Variants in EXT1 observed in about 807,000 individuals in gnomAD.
EXT1 encodes exostosin-1.
A neutral mutation model predicts 82.5 loss-of-function variants in EXT1; 20 were observed. The ratio of observed to expected loss-of-function variants is 0.24; its 90% CI spans 0.17 to 0.35. EXT1 has a LOEUF of 0.35. EXT1 is among the 10% of genes least tolerant of loss of function. EXT1 has a pLI of 1.00. For missense variants in EXT1, 757 were observed against 936.5 expected (o/e 0.81, Z 2.50); for synonymous variants, 348 against 350.8 (o/e 0.99, Z 0.09).
At chr8:117,820,413 G>C (rs1418339428) in intron 5 of EXT1, among the ~76,000 whole-genome samples, 1 of 152,144 alleles carries the variant, frequency 6.6e-6, no homozygotes, top group Admixed American at 6.5e-5. Flanking sequence ...GTTTGTCTGG[G>C]CACGGTGGCT....
At chr8:117,951,605 T>G (rs778117775) in intron 1 of EXT1, among the ~76,000 whole-genome samples, 8 of 152,204 alleles carry the variant, frequency 5.3e-5, no homozygotes, top group Admixed American at 6.5e-5. Flanking sequence ...ATGACTGTGA[T>G]AGAGACATAG....
chr8:118,033,088 G>A (rs1350352966), intron 1 of EXT1, among the ~76,000 whole-genome samples: 2 of 152,108 alleles, frequency 1.3e-5, no homozygotes, highest in East Asian at 1.9e-4. Context: ...ATTGCAATGC[G>A]CTAAATATGT....
intron 1 of EXT1, among the ~76,000 whole-genome samples, chr8:117,933,612 A>G (rs1334561196): frequency 6.6e-6 from 1 of 152,190 alleles, no homozygotes; most frequent in Non-Finnish European, 1.5e-5. Context: ...ACTGTCTACT[A>G]GAATATAAGC....
At chr8:117,847,364 C>T (rs1175463775) in intron 1 of EXT1, among the ~76,000 whole-genome samples, 2 of 152,166 alleles carry the variant, frequency 1.3e-5, no homozygotes, top group Admixed American at 1.3e-4. Context: ...ATTTAGTCTT[C>T]CTTTTGTACA....
chr8:117,890,793 T>C (rs1230071269), intron 1 of EXT1, among the ~76,000 whole-genome samples: 1 of 152,206 alleles, frequency 6.6e-6, no homozygotes, highest in Admixed American at 6.5e-5. Context: ...TCTTGTAAGA[T>C]CTAAAGATTC....
At chr8:117,902,167 C>T (rs550973679) in intron 1 of EXT1, among the ~76,000 whole-genome samples, 11 of 151,992 alleles carry the variant, frequency 7.2e-5, no homozygotes, top group African/African-American at 2.2e-4. Context: ...GACAATAACA[C>T]GCATGGAGCT....
intron 1 of EXT1, among the ~76,000 whole-genome samples, chr8:118,067,976 A>C (rs7838643): frequency 0.12 from 18,414 of 152,266 alleles, 2,363 homozygotes; most frequent in African/African-American, 0.32. Context: ...GAGCATTTGC[A>C]ATATTAGTAA....
intron 1 of EXT1, among the ~76,000 whole-genome samples, chr8:117,907,283 T>TA (rs1813561262): frequency 6.6e-6 from 1 of 152,220 alleles, no homozygotes; most frequent in Non-Finnish European, 1.5e-5. Context: ...CCTAACAACA[T>TA]ACTTCTCTCC....
At chr8:117,939,574 AAAAAAAAAAAAAG>A (rs922790523) in intron 1 of EXT1, among the ~76,000 whole-genome samples, 4 of 147,654 alleles carry the variant, frequency 2.7e-5, no homozygotes, top group Non-Finnish European at 2.9e-5. Flanking sequence ...CATCTCTGAA[AAAAAAAAAAAAAG>A]AAAAAGAAAA....
At chr8:117,893,996 G>A (rs1027491752) in intron 1 of EXT1, among the ~76,000 whole-genome samples, 6 of 152,086 alleles carry the variant, frequency 3.9e-5, no homozygotes, top group Non-Finnish European at 7.4e-5. Context: ...TGTTTAGCAA[G>A]AATCTTCCTT....
intron 1 of EXT1, among the ~76,000 whole-genome samples, chr8:118,002,173 A>C (rs1815679232): frequency 6.6e-6 from 1 of 152,102 alleles, no homozygotes; most frequent in African/African-American, 2.4e-5. Flanking sequence ...ATTATTTTCA[A>C]AATAATTCTT....
At chr8:117,992,975 A>G (rs1815466646) in intron 1 of EXT1, among the ~76,000 whole-genome samples, 1 of 152,198 alleles carries the variant, frequency 6.6e-6, no homozygotes, top group Non-Finnish European at 1.5e-5. Context: ...ATTTCACTTC[A>G]TGTGCAAAAA....
In EXT1 at chr8:117,998,315, T is replaced by C. The variant is rs187495283; in HGVS notation, c.962+111770A>G. 6.6e-5 allele frequency among the ~76,000 whole-genome samples: 10 copies of C among 152,050 alleles called. No homozygotes were observed. In the East Asian group the frequency reaches 1.9e-3, roughly 29 times the overall value. ...GTGTGAGCCACCACACCCAGCCTAT[T>C]TTACATTTTTAAAAGACAAGGTCTT... On this transcript the variant is annotated intron_variant, in intron 1 of 10. Transcript: ENST00000378204.
intron 1 of EXT1, among the ~76,000 whole-genome samples, chr8:117,886,605 C>G (rs1813151480): frequency 6.6e-6 from 1 of 152,192 alleles, no homozygotes; most frequent in Non-Finnish European, 1.5e-5. Context: ...ACCAAAATGT[C>G]AAATTCCAAA....
chr8:118,103,173 G>T (rs1474335407), intron 1 of EXT1, among the ~76,000 whole-genome samples: 4 of 150,934 alleles, frequency 2.7e-5, no homozygotes, highest in Admixed American at 1.3e-4. Context: ...GAAAGATAAG[G>T]TCTTGCTCTA....
At chr8:117,963,461 T>A (rs899576792) in intron 1 of EXT1, among the ~76,000 whole-genome samples, 2 of 151,930 alleles carry the variant, frequency 1.3e-5, no homozygotes, top group Admixed American at 6.6e-5. Context: ...TCTATTCGAG[T>A]TTTGTTGTGG....
At chr8:118,088,697 T>C (rs996838254) in intron 1 of EXT1, among the ~76,000 whole-genome samples, 16 of 151,858 alleles carry the variant, frequency 1.1e-4, no homozygotes, top group Non-Finnish European at 2.1e-4. Flanking sequence ...TTTTTTTTTT[T>C]TCCTCTGCTT....
At chr8:118,051,376 G>A (rs1488336171) in intron 1 of EXT1, among the ~76,000 whole-genome samples, 1 of 152,028 alleles carries the variant, frequency 6.6e-6, no homozygotes, top group Non-Finnish European at 1.5e-5. Context: ...AGTAAATTCA[G>A]TTTACATATT....
intron 1 of EXT1, among the ~76,000 whole-genome samples, chr8:117,940,482 T>A (rs1017082792): frequency 6.6e-6 from 1 of 152,178 alleles, no homozygotes; most frequent in African/African-American, 2.4e-5. Context: ...ATGTTACAGC[T>A]CATTTCAATT....
Sources: allele counts gnomAD v4.1 joint callset (sites outside exome capture counted in the v4.1 genomes callset), GRCh38; gene constraint gnomAD v4.1.1; transcripts MANE v1.5; gene names NCBI Gene and HGNC (gene_info 2026-07-23, HGNC 2026-07-21).